Variants in BCAS3 observed in about 807,000 individuals in gnomAD.
BCAS3 encodes BCAS4/BCAS3 fusion.
A neutral mutation model predicts 116.1 loss-of-function variants in BCAS3; 53 were observed. That is an observed-to-expected ratio of 0.46 (90% CI 0.37 to 0.57). The LOEUF (loss-of-function observed/expected upper bound fraction) is 0.57. Ranked by LOEUF, BCAS3 falls within the 20% of genes least tolerant of loss-of-function variation. BCAS3 has a pLI of 0.00. For synonymous variants in BCAS3, 391 were observed against 408.2 expected (o/e 0.96, Z 0.51); for missense variants, 917 against 1,165.4 (o/e 0.79, Z 3.10).
At chr17:61,175,459 G>T (rs1185553826) in intron 22 of BCAS3, among the ~76,000 whole-genome samples, 1 of 152,048 alleles carries the variant, frequency 6.6e-6, no homozygotes, top group African/African-American at 2.4e-5. Flanking sequence ...ACTCACATAT[G>T]TGGTCTGATA....
At position 60,830,694 on chromosome 17, in the gene BCAS3, A is replaced by G. The variant is rs1420415208; in HGVS notation, c.476+22618A>G. On this transcript the variant is annotated intron_variant, in intron 7 of 23. Transcript: ENST00000407086. ...CTTTTACACAAAAGGAGTTTAAATT[A>G]TAAAGCTGGCTGAAAAACTTGAAAA... 4.6e-5 allele frequency among the ~76,000 whole-genome samples: 7 copies of G among 152,180 alleles called. No homozygotes were observed. The East Asian group carries it at 1.2e-3, about 25-fold the overall frequency.
At position 61,388,847 on chromosome 17, in the gene BCAS3, T is replaced by C. The variant is rs980887390; in HGVS notation, c.2594-3130T>C. On this transcript the variant is annotated intron_variant, in intron 23 of 23. Coordinates refer to ENST00000407086, the MANE Select transcript of BCAS3 (RefSeq NM_017679.5). The surrounding 1 kb of genome is among the most constrained non-coding windows in gnomAD (Gnocchi z 6.5). Reference sequence around the variant, plus strand: ...CCTGCAGGGGGAGGAGCAGAAGGGGTCTGAGAGGAGGCGTGGAGAAAAGCG... The same window carrying C: ...CCTGCAGGGGGAGGAGCAGAAGGGGCCTGAGAGGAGGCGTGGAGAAAAGCG... 2.3e-6 allele frequency: 2 copies of C among 856,992 alleles called. No homozygotes were observed. Among genetic ancestry groups the C allele is most frequent in the Non-Finnish European group, 3.5e-6 (2 of 568,870 alleles). The allele number at this position is 856,992 out of a possible 1,614,324, so 53.1% of individuals were successfully genotyped here.
chr17:60,839,743 A>G (rs1325687034), intron 7 of BCAS3, among the ~76,000 whole-genome samples: 2 of 152,212 alleles, frequency 1.3e-5, no homozygotes, highest in African/African-American at 4.8e-5. Context: ...TCAGTAACAC[A>G]TGTTGAAGGT....
chr17:61,386,386 G>A (rs1380025094), intron 23 of BCAS3, among the ~76,000 whole-genome samples: 1 of 152,186 alleles, frequency 6.6e-6, no homozygotes, highest in Non-Finnish European at 1.5e-5. Flanking sequence ...AGAGCTGTGG[G>A]TGCAGGGTCA....
At position 61,313,200 on chromosome 17, in the gene BCAS3, AT is replaced by A. The variant is rs1430912369; in HGVS notation, c.2426-55123del. Among the ~76,000 whole-genome samples the A allele has an allele frequency of 6.6e-6, 1 of 152,184 alleles. No homozygotes were observed. The highest frequency in any genetic ancestry group is 2.4e-5 in the African/African-American group (1 of 41,456). On this transcript the variant is annotated intron_variant, in intron 22 of 23. Transcript: ENST00000407086. This position sits in a 1 kb window ranked among gnomAD's most constrained non-coding sequence, Gnocchi z 4.3. The stretch of plus-strand genomic sequence containing the variant: ...CCAGGTAGAGAAAGCGAATGCTGTT[AT>A]TTTGCTCTAAGAGGAAACTAAGGTT...
At chr17:61,090,065 G>C (rs1353763910) in intron 22 of BCAS3, among the ~76,000 whole-genome samples, 1 of 152,100 alleles carries the variant, frequency 6.6e-6, no homozygotes, top group Non-Finnish European at 1.5e-5. Flanking sequence ...TCATGGTCTT[G>C]AACTTTTGCT....
At chr17:60,852,850 T>G (rs2053299054) in intron 7 of BCAS3, among the ~76,000 whole-genome samples, 1 of 152,260 alleles carries the variant, frequency 6.6e-6, no homozygotes. Flanking sequence ...CTAGTGGGAC[T>G]GCAAAATTGT....
intron 11 of BCAS3, among the ~76,000 whole-genome samples, chr17:60,906,601 G>T (rs2058203803): frequency 1.3e-5 from 2 of 152,096 alleles, no homozygotes; most frequent in Admixed American, 6.5e-5. Context: ...TAAATGCCTA[G>T]CTGAAATGTC....
At chr17:60,816,876 A>G (rs1194398493) in intron 7 of BCAS3, among the ~76,000 whole-genome samples, 1 of 152,124 alleles carries the variant, frequency 6.6e-6, no homozygotes, top group Admixed American at 6.6e-5. Flanking sequence ...TTCAGCAGTT[A>G]CTAGTTATAA....
In BCAS3 at chr17:61,388,766, T is replaced by C. The variant is rs539182977; in HGVS notation, c.2594-3211T>C. The C allele has an allele frequency of 4.0e-5, 59 of 1,471,862 alleles. 1 individual carries two copies. The African/African-American group carries it at 6.6e-4, about 16-fold the overall frequency. 91.2% of individuals were successfully genotyped at this position (1,471,862 alleles called of 1,614,324 possible). On this transcript the variant is annotated intron_variant, in intron 23 of 23. Coordinates refer to ENST00000407086, the MANE Select transcript of BCAS3 (RefSeq NM_017679.5). This position sits in a 1 kb window ranked among gnomAD's most constrained non-coding sequence, Gnocchi z 6.5. The stretch of plus-strand genomic sequence containing the variant: ...CGTAGGGCTGGGCGGCCGGGATGAC[T>C]TGGAGGGGGGAATCTGAGCAGCCCT...
Position 61,333,425 on chromosome 17 carries a change from C to T in BCAS3, c.2426-34902C>T, listed in dbSNP as rs1204886455. On this transcript the variant is annotated intron_variant, in intron 22 of 23. Transcript: ENST00000407086. This position sits in a 1 kb window ranked among gnomAD's most constrained non-coding sequence, Gnocchi z 4.8. ...GACAAAGTGGAGACGTCCTGTGAGG[C>T]AGGCAGGCCTCTGTCTCAGCATCAC... Among the ~76,000 whole-genome samples the T allele has an allele frequency of 6.6e-6, 1 of 152,160 alleles. No homozygotes were observed. The highest frequency in any genetic ancestry group is 1.5e-5 in the Non-Finnish European group (1 of 68,040).
rs2065243023 is a variant in BCAS3 at position 61,013,524 on chromosome 17, AAT to A, written c.1487-2224_1487-2223del. On this transcript the variant is annotated intron_variant, in intron 15 of 23. Transcript: ENST00000407086. The surrounding 1 kb of genome is among the most constrained non-coding windows in gnomAD (Gnocchi z 4.4). ...TTTTTCTCATTTCTTCCACAAATAT[AAT>A]ATTTTAATGTGATTTCCCTCTTCAT... Among the ~76,000 whole-genome samples the A allele has an allele frequency of 6.6e-6, 1 of 152,130 alleles. No individual in the cohort carries two copies. The highest frequency in any genetic ancestry group is 6.6e-5 in the Admixed American group (1 of 15,256).
At chr17:61,169,959 ATTC>A (rs2078740220) in intron 22 of BCAS3, among the ~76,000 whole-genome samples, 1 of 151,736 alleles carries the variant, frequency 6.6e-6, no homozygotes, top group African/African-American at 2.4e-5. Flanking sequence ...GGTTCAAGCA[ATTC>A]TTGTGCCTCA....
At chr17:61,373,517 C>A (rs2059158378) in intron 23 of BCAS3, among the ~76,000 whole-genome samples, 1 of 151,586 alleles carries the variant, frequency 6.6e-6, no homozygotes, top group African/African-American at 2.4e-5. Flanking sequence ...GCAACCTCCA[C>A]CTCATGGGTT....
At chr17:61,064,183 C>G (rs947494991) in intron 19 of BCAS3, among the ~76,000 whole-genome samples, 3 of 152,176 alleles carry the variant, frequency 2.0e-5, no homozygotes, top group Non-Finnish European at 4.4e-5. Context: ...GTAGTTCCAG[C>G]TCCTCAGGAG....
intron 7 of BCAS3, among the ~76,000 whole-genome samples, chr17:60,846,433 A>G (rs1349206126): frequency 6.6e-6 from 1 of 152,196 alleles, no homozygotes; most frequent in Non-Finnish European, 1.5e-5. Flanking sequence ...GTTACTGGGT[A>G]TTATATAAAT....
intron 22 of BCAS3, among the ~76,000 whole-genome samples, chr17:61,269,396 T>C (rs990261115): frequency 1.3e-5 from 2 of 152,184 alleles, no homozygotes; most frequent in Non-Finnish European, 2.9e-5. Context: ...ATTACAGGCA[T>C]GAGCCACCGC....
At chr17:61,184,981 G>T (rs907517072) in intron 22 of BCAS3, among the ~76,000 whole-genome samples, 3 of 151,856 alleles carry the variant, frequency 2.0e-5, no homozygotes, top group Admixed American at 6.6e-5. Flanking sequence ...ACTTTTTGGA[G>T]TGATGGAAAT....
At chr17:60,740,999 T>C (rs1451877658) in intron 5 of BCAS3, among the ~76,000 whole-genome samples, 1 of 152,178 alleles carries the variant, frequency 6.6e-6, no homozygotes, top group African/African-American at 2.4e-5. Context: ...GAATTTTTAC[T>C]TTTTACAATT....
Sources: gnomAD v4.1 joint callset for allele counts (sites outside exome capture counted in the v4.1 genomes callset) on GRCh38, gnomAD v4.1.1 for gene constraint, Gnocchi (gnomAD v3.1) non-coding constraint, MANE v1.5 for transcripts, NCBI Gene and HGNC (gene_info 2026-07-23, HGNC 2026-07-21) for gene names.